Variants in CBLN2 observed in about 807,000 individuals in gnomAD.
The protein encoded by CBLN2 is cerebellin 2 precursor.
A neutral mutation model predicts 15.0 loss-of-function variants in CBLN2; 7 were observed. The ratio of observed to expected loss-of-function variants is 0.47; its 90% CI spans 0.27 to 0.88. The LOEUF (loss-of-function observed/expected upper bound fraction) is 0.88, where lower values mean the gene tolerates loss of function less well. Among genes scored for constraint, CBLN2 ranks in the 40% least tolerant of loss-of-function variants. The pLI is 0.14. For missense variants in CBLN2, 242 were observed against 304.5 expected (o/e 0.79, Z 1.53); for synonymous variants, 149 against 135.2 (o/e 1.10, Z -0.71).
At chr18:72,571,709 T>C (rs1162584710) in intron 1 of CBLN2, among the ~76,000 whole-genome samples, 1 of 152,142 alleles carries the variant, frequency 6.6e-6, no homozygotes, top group African/African-American at 2.4e-5. Flanking sequence ...TACAGGGAAA[T>C]GTTAGGACAG....
chr18:72,638,405 A>G, exon 1 of CBLN2: 1 of 398,446 alleles, frequency 2.5e-6, no homozygotes, highest in Non-Finnish European at 4.4e-6. Flanking sequence ...AGTAAATTCA[A>G]TTCATTTCTC....
chr18:72,604,915 C>A (rs1026127096), intron 1 of CBLN2, among the ~76,000 whole-genome samples: 2 of 152,210 alleles, frequency 1.3e-5, no homozygotes, highest in Admixed American at 1.3e-4. Context: ...TATTTTCAAT[C>A]TGGCTAGACC....
chr18:72,637,443 C>T (rs2069821176), intron 1 of CBLN2, among the ~76,000 whole-genome samples: 1 of 152,172 alleles, frequency 6.6e-6, no homozygotes, highest in African/African-American at 2.4e-5. Context: ...TGAGCAGATC[C>T]ACAGCCCTGA....
intron 1 of CBLN2, among the ~76,000 whole-genome samples, chr18:72,615,158 AAT>A (rs1491413542): frequency 2.2e-5 from 3 of 133,812 alleles, no homozygotes; most frequent in East Asian, 2.0e-4. Context: ...AAATATAGAA[AAT>A]ATATATAAAT....
At position 72,543,405 on chromosome 18, in the gene CBLN2, T is replaced by C; in HGVS notation, c.-167+81A>G. 2.5e-6 allele frequency: 1 copy of C among 397,742 alleles called. No individual in the cohort carries two copies. Among genetic ancestry groups the C allele is most frequent in the Non-Finnish European group, 4.4e-6 (1 of 225,604 alleles). The allele number at this position is 397,742 out of a possible 1,614,324, so 24.6% of individuals were successfully genotyped here. A position where few individuals can be genotyped will look rare whatever the true frequency, so the allele number is the denominator to read the frequency against. ...TCTCTCCACCTCCTCCACCCCTCGA[T>C]CTGGACCAGGGAGAGTCTTCGTTAA... is the stretch of plus-strand genomic sequence containing the variant. On this transcript the variant is annotated intron_variant, in intron 2 of 4. Coordinates refer to ENST00000269503, the MANE Select transcript of CBLN2 (RefSeq NM_182511.4). The surrounding 1 kb of genome is among the most constrained non-coding windows in gnomAD (Gnocchi z 6.8).
At chr18:72,575,506 AG>A (rs933748783) in intron 1 of CBLN2, among the ~76,000 whole-genome samples, 8 of 152,150 alleles carry the variant, frequency 5.3e-5, no homozygotes, top group African/African-American at 1.9e-4. Flanking sequence ...GTTTTTAGGA[AG>A]GGGGGCGTGG....
Position 72,558,859 on chromosome 18 carries a change from A to G in CBLN2, c.16-20087T>C, listed in dbSNP as rs12051962. 0.046 allele frequency among the ~76,000 whole-genome samples: 6,982 copies of G among 152,112 alleles called. 802 individuals are homozygous for G. In the East Asian group the frequency reaches 0.51, roughly 11 times the overall value. ...ACTTGAGCCCGGGAGTTCAAGACCA[A>G]CCTGGCCAACATGGCAAAACCCTGT... is the stretch of plus-strand genomic sequence containing the variant. On this transcript the variant is annotated intron_variant, in intron 1 of 2. Transcript: ENST00000581073.
At chr18:72,542,835 ATC>A (rs1446591181) in intron 2 of CBLN2, 2 of 151,706 alleles carry the variant, frequency 1.3e-5, no homozygotes, top group Non-Finnish European at 2.9e-5. Context: ...TACAGATTTT[ATC>A]TGTTTTCCAC....
At chr18:72,581,552 A>G (rs2069405061) in intron 1 of CBLN2, among the ~76,000 whole-genome samples, 2 of 152,156 alleles carry the variant, frequency 1.3e-5, no homozygotes, top group South Asian at 4.1e-4. Flanking sequence ...GTATATGTTA[A>G]CTTACACCTG....
intron 1 of CBLN2, among the ~76,000 whole-genome samples, chr18:72,604,525 G>A (rs1038701618): frequency 6.6e-6 from 1 of 152,176 alleles, no homozygotes; most frequent in African/African-American, 2.4e-5. Flanking sequence ...CATGACTTGA[G>A]TGTTTGTCCT....
At chr18:72,581,060 G>A (rs1048644281) in intron 1 of CBLN2, among the ~76,000 whole-genome samples, 1 of 152,126 alleles carries the variant, frequency 6.6e-6, no homozygotes, top group East Asian at 1.9e-4. Flanking sequence ...AAACCTCTTA[G>A]GTCAGTTTAT....
intron 1 of CBLN2, among the ~76,000 whole-genome samples, chr18:72,589,887 C>A (rs2069468248): frequency 6.6e-6 from 1 of 152,212 alleles, no homozygotes; most frequent in African/African-American, 2.4e-5. Context: ...AATCCCAGCA[C>A]TTTGGGAGGC....
intron 1 of CBLN2, among the ~76,000 whole-genome samples, chr18:72,553,287 C>T (rs780081543): frequency 3.3e-5 from 5 of 152,154 alleles, no homozygotes; most frequent in East Asian, 3.9e-4. Flanking sequence ...GACAAGTGCA[C>T]GTGTGGAGTG....
intron 1 of CBLN2, among the ~76,000 whole-genome samples, chr18:72,635,369 T>C (rs2069805197): frequency 6.6e-6 from 1 of 152,174 alleles, no homozygotes; most frequent in Admixed American, 6.5e-5. Context: ...TTTATTTTCT[T>C]ATATTCTACA....
At chr18:72,576,559 G>A (rs17356265) in intron 1 of CBLN2, among the ~76,000 whole-genome samples, 21,155 of 152,118 alleles carry the variant, frequency 0.14, 1,836 homozygotes, top group Admixed American at 0.28. Context: ...TACTCTCAAT[G>A]CTATTATAAC....
upstream of CBLN2, among the ~76,000 whole-genome samples, chr18:72,546,297 C>G (rs1285521903): frequency 6.6e-6 from 1 of 151,964 alleles, no homozygotes; most frequent in African/African-American, 2.4e-5. Flanking sequence ...ATTAGCCGGG[C>G]GTGGTGGCGG....
intron 1 of CBLN2, among the ~76,000 whole-genome samples, chr18:72,575,792 C>T (rs192161938): frequency 8.8e-5 from 11 of 125,672 alleles, no homozygotes; most frequent in Non-Finnish European, 8.4e-5. Context: ...GGAAAGAGAA[C>T]GGGAGATGTG....
At chr18:72,598,906 C>T (rs778452370) in intron 1 of CBLN2, among the ~76,000 whole-genome samples, 1 of 152,182 alleles carries the variant, frequency 6.6e-6, no homozygotes, top group African/African-American at 2.4e-5. Flanking sequence ...TTTTTCCATG[C>T]CACATGGTCA....
chr18:72,564,371 G>T (rs535868419), intron 1 of CBLN2, among the ~76,000 whole-genome samples: 1 of 152,146 alleles, frequency 6.6e-6, no homozygotes, highest in Non-Finnish European at 1.5e-5. Context: ...GAACCAAACA[G>T]AAAATGTGGA....
Sources: allele counts gnomAD v4.1 joint callset (sites outside exome capture counted in the v4.1 genomes callset), GRCh38; gene constraint gnomAD v4.1.1; non-coding constraint Gnocchi (gnomAD v3.1); transcripts MANE v1.5; gene names NCBI Gene and HGNC (gene_info 2026-07-23, HGNC 2026-07-21).